CDH12: variants seen among roughly 807,000 people sequenced by gnomAD.
CDH12 encodes the protein cadherin 12, also known as cadherin-12.
Under a neutral mutation model 74.1 loss-of-function variants are expected in CDH12, and 41 were observed. The observed-to-expected ratio is 0.55, with a 90% CI of 0.43 to 0.72. The LOEUF is 0.72. CDH12 is among the 30% of genes least tolerant of loss of function. The pLI, the probability that CDH12 is intolerant of heterozygous loss-of-function variation, is 0.00. For missense variants in CDH12, 945 were observed against 977.2 expected, an observed-to-expected ratio of 0.97 and a Z score of 0.44; for synonymous variants, 399 against 355.0, an observed-to-expected ratio of 1.12 and a Z score of -1.39.
intron 2 of CDH12, among the ~76,000 whole-genome samples, chr5:22,476,673 T>C (rs1222500885): frequency 6.6e-6 from 1 of 152,168 alleles, no homozygotes; most frequent in Non-Finnish European, 1.5e-5. Context: ...AAAATACTAC[T>C]CAAAGTAATG....
rs1053133669 is a variant in CDH12, at chr5:22,133,140, C to G, written c.-186-54278G>C. On this transcript the variant is annotated intron_variant, in intron 4 of 14. Transcript: ENST00000382254. ...AAATTGTTTTTCAGATTCATTGAAA[C>G]ATTCTCAATTTTTCTTCTATAAGAA... is the stretch of plus-strand genomic sequence containing the variant. 9.9e-5 allele frequency among the ~76,000 whole-genome samples: 15 copies of G among 152,034 alleles called. 1 individual carries two copies. The highest frequency in any genetic ancestry group is 2.7e-4 in the African/African-American group (11 of 41,404).
At chr5:22,342,866 C>T (rs1199925263) in intron 3 of CDH12, among the ~76,000 whole-genome samples, 1 of 148,208 alleles carries the variant, frequency 6.7e-6, no homozygotes, top group Non-Finnish European at 1.5e-5. Flanking sequence ...GTCTGTCTGT[C>T]TTGATGGAGT....
rs528631541 is a variant in CDH12 at position 22,522,645 on chromosome 5, C to T, written c.-522-17281G>A. 4.6e-5 allele frequency among the ~76,000 whole-genome samples: 7 copies of T among 152,250 alleles called. No individual in the cohort carries two copies. The East Asian group carries it at 7.7e-4, about 17-fold the overall frequency. On this transcript the variant is annotated intron_variant, in intron 1 of 14. Coordinates refer to ENST00000382254, the MANE Select transcript of CDH12 (RefSeq NM_004061.5). Reference sequence around the variant, plus strand: ...CCTATAACTTCCTTACTTCTTACTCCAAATAGCTATGAACTGTTTCATTTG... The same window carrying T: ...CCTATAACTTCCTTACTTCTTACTCTAAATAGCTATGAACTGTTTCATTTG...
chr5:22,078,452 C>A lies in CDH12; in HGVS notation c.225G>T (p.Val75=), dbSNP rs1463732457. 1 of 1,613,336 alleles carries A rather than the reference C, an allele frequency of 6.2e-7. No homozygotes were observed. The highest frequency in any genetic ancestry group is 1.3e-5 in the African/African-American group (1 of 74,846). The part of the protein sequence containing the change: ...EEYVGSEPQY[V]GKLHSDLDKG... ...AAAAGAAATACGCCATTACCTTTCC[C>A]ACATACTGAGGCTCGGAGCCCACGT... Residue 75 remains valine (V), a synonymous_variant, in exon 5 of 15, where the codon GTG becomes GTT. Coordinates refer to ENST00000382254, the MANE Select transcript of CDH12 (RefSeq NM_004061.5).
intron 4 of CDH12, among the ~76,000 whole-genome samples, chr5:22,123,333 G>C (rs1421652352): frequency 1.3e-5 from 2 of 152,158 alleles, no homozygotes; most frequent in Admixed American, 1.3e-4. Context: ...CCAGTGCTGT[G>C]AGAAATAAAT....
chr5:22,030,186 A>G (rs1020248480), intron 5 of CDH12, among the ~76,000 whole-genome samples: 8 of 151,916 alleles, frequency 5.3e-5, no homozygotes, highest in Admixed American at 3.3e-4. Context: ...AATGGGTGCA[A>G]CACACCAGCA....
At chr5:21,994,467 A>ACC (rs1347218152) in intron 5 of CDH12, among the ~76,000 whole-genome samples, 1 of 152,082 alleles carries the variant, frequency 6.6e-6, no homozygotes, top group Non-Finnish European at 1.5e-5. Flanking sequence ...GGCCTAAGTG[A>ACC]CCCCCAAAAC....
intron 5 of CDH12, among the ~76,000 whole-genome samples, chr5:22,060,659 C>T (rs991868903): frequency 6.6e-6 from 1 of 152,122 alleles, no homozygotes; most frequent in African/African-American, 2.4e-5. Flanking sequence ...GAACTCAATT[C>T]ACCACAGGTC....
At chr5:21,924,767 T>C (rs1180701682) in intron 6 of CDH12, among the ~76,000 whole-genome samples, 1 of 152,202 alleles carries the variant, frequency 6.6e-6, no homozygotes, top group East Asian at 1.9e-4. Flanking sequence ...GTTGAGGTGA[T>C]GTGAAAATTT....
At chr5:22,422,386 G>A (rs182018856) in intron 2 of CDH12, among the ~76,000 whole-genome samples, 14 of 151,830 alleles carry the variant, frequency 9.2e-5, no homozygotes, top group East Asian at 3.9e-4. Flanking sequence ...ATTATGAATC[G>A]CATTTATTAA....
intron 1 of CDH12, among the ~76,000 whole-genome samples, chr5:22,535,162 T>C (rs1372076901): frequency 2.1e-5 from 3 of 142,038 alleles, no homozygotes. Context: ...TTTTTTCTTT[T>C]TTTTTTTTTT....
intron 7 of CDH12, among the ~76,000 whole-genome samples, chr5:21,843,119 G>C (rs1260107138): frequency 6.6e-6 from 1 of 151,976 alleles, no homozygotes; most frequent in South Asian, 2.1e-4. Flanking sequence ...AAACCTCCTG[G>C]ATTATTCTCA....
chr5:22,098,995 G>GCA (rs1743975102), intron 4 of CDH12, among the ~76,000 whole-genome samples: 2 of 151,932 alleles, frequency 1.3e-5, no homozygotes, highest in African/African-American at 4.8e-5. Context: ...ACTCCTCAAG[G>GCA]ATTATTCAGG....
At chr5:22,619,734 A>AC (rs1042188317) in intron 1 of CDH12, among the ~76,000 whole-genome samples, 2 of 151,678 alleles carry the variant, frequency 1.3e-5, no homozygotes, top group African/African-American at 2.4e-5. Flanking sequence ...TTCTAAACAA[A>AC]AAAAAAAAGT....
chr5:22,668,794 T>C (rs1009119012), intron 1 of CDH12, among the ~76,000 whole-genome samples: 4 of 152,228 alleles, frequency 2.6e-5, no homozygotes, highest in Non-Finnish European at 5.9e-5. Flanking sequence ...GCTGTGTCTG[T>C]TGATTTATCT....
At chr5:22,137,159 T>G (rs1455532124) in intron 4 of CDH12, among the ~76,000 whole-genome samples, 1 of 151,950 alleles carries the variant, frequency 6.6e-6, no homozygotes, top group Non-Finnish European at 1.5e-5. Flanking sequence ...GCCTTACAAA[T>G]TTTCTTAGAA....
intron 3 of CDH12, among the ~76,000 whole-genome samples, chr5:22,275,957 A>G (rs1330267094): frequency 6.6e-6 from 1 of 152,182 alleles, no homozygotes; most frequent in East Asian, 1.9e-4. Context: ...CTGATGAAAT[A>G]TGGAGAACTA....
At chr5:21,821,202 CAGGT>C (rs2149952053) in intron 8 of CDH12, among the ~76,000 whole-genome samples, 1 of 151,232 alleles carries the variant, frequency 6.6e-6, no homozygotes, top group Non-Finnish European at 1.5e-5. Flanking sequence ...AGAGTGGGGA[CAGGT>C]AGGGGACATG....
intron 3 of CDH12, among the ~76,000 whole-genome samples, chr5:22,234,752 G>A (rs927219781): frequency 7.9e-5 from 12 of 151,622 alleles, no homozygotes; most frequent in South Asian, 4.2e-4. Context: ...CTCCATTTAC[G>A]TTTATCTATA....
Sources: gnomAD v4.1 joint callset for allele counts (sites outside exome capture counted in the v4.1 genomes callset) on GRCh38, gnomAD v4.1.1 for gene constraint, MANE v1.5 for transcripts, NCBI Gene and HGNC (gene_info 2026-07-23, HGNC 2026-07-21) for gene names.